HIVEP3: variants seen among roughly 807,000 people sequenced by gnomAD.
The protein encoded by HIVEP3 is HIVEP zinc finger 3, also known as transcription factor HIVEP3.
In HIVEP3, 49 loss-of-function variants were observed where a neutral mutation model predicts 152.8. The ratio of observed to expected loss-of-function variants is 0.32; its 90% CI spans 0.26 to 0.41. The LOEUF is 0.41. HIVEP3 is among the 10% of genes least tolerant of loss of function. The pLI, the probability that HIVEP3 is intolerant of heterozygous loss-of-function variation, is 1.00. For missense variants in HIVEP3, 2,790 were observed against 3,103.3 expected, an observed-to-expected ratio of 0.90 and a Z score of 2.40; for synonymous variants, 1,269 against 1,289.0, an observed-to-expected ratio of 0.98 and a Z score of 0.33.
At chr1:41,806,056 G>A (rs1650590098) in intron 1 of HIVEP3, among the ~76,000 whole-genome samples, 1 of 152,160 alleles carries the variant, frequency 6.6e-6, no homozygotes, top group Admixed American at 6.5e-5. Flanking sequence ...GGCACAGAAG[G>A]GATCTTCAAA....
chr1:42,033,556 C>G (rs1232276522), intron 1 of HIVEP3, among the ~76,000 whole-genome samples: 1 of 152,202 alleles, frequency 6.6e-6, no homozygotes, highest in Non-Finnish European at 1.5e-5. Context: ...ACTTATCTCT[C>G]CAGTTCCCTA....
intron 1 of HIVEP3, among the ~76,000 whole-genome samples, chr1:42,026,591 T>C (rs1037145010): frequency 6.6e-6 from 1 of 152,316 alleles, no homozygotes; most frequent in Admixed American, 6.5e-5. Flanking sequence ...GCTACAGTAT[T>C]TGCATGAGAT....
At chr1:41,670,347 T>C (rs1447860509) in intron 2 of HIVEP3, among the ~76,000 whole-genome samples, 4 of 152,146 alleles carry the variant, frequency 2.6e-5, no homozygotes, top group East Asian at 3.9e-4. Flanking sequence ...CTCCAGGGCA[T>C]TGGCTTTCTC....
At chr1:41,659,079 AC>A (rs1264051422) in intron 2 of HIVEP3, among the ~76,000 whole-genome samples, 1 of 152,124 alleles carries the variant, frequency 6.6e-6, no homozygotes, top group Non-Finnish European at 1.5e-5. Context: ...ACCAGCAGTT[AC>A]CCCCTCCAAA....
At chr1:42,028,152 G>A (rs1345316867) in intron 1 of HIVEP3, among the ~76,000 whole-genome samples, 1 of 151,784 alleles carries the variant, frequency 6.6e-6, no homozygotes, top group Admixed American at 6.6e-5. Flanking sequence ...TTTTCTTCTT[G>A]GTATTTATTA....
chr1:41,604,137 A>C (rs544853535), intron 3 of HIVEP3, among the ~76,000 whole-genome samples: 1 of 152,350 alleles, frequency 6.6e-6, no homozygotes, highest in South Asian at 2.1e-4. Flanking sequence ...CTAATGCCAC[A>C]CACCTACCCT....
chr1:41,946,045 C>T lies in HIVEP3; in HGVS notation n.120-27521G>A, dbSNP rs192390007. Among the ~76,000 whole-genome samples the T allele has an allele frequency of 3.3e-3, 508 of 152,256 alleles. 3 individuals are homozygous for T. The highest frequency in any genetic ancestry group is 0.012 in the African/African-American group (483 of 41,530). ...ACAAACGGGATTAAAAAAAGGCCAC[C>T]GCTTTAGTCATGGCCCTCAGGCAAG... is the stretch of plus-strand genomic sequence containing the variant. On this transcript the variant is annotated intron_variant and non_coding_transcript_variant, in intron 1 of 3. Transcript: ENST00000489103.
chr1:42,029,447 A>G (rs190579519), intron 1 of HIVEP3, among the ~76,000 whole-genome samples: 18 of 152,330 alleles, frequency 1.2e-4, no homozygotes, highest in Admixed American at 9.2e-4. Flanking sequence ...TGGGGATGCT[A>G]ATTCCTACCT....
intron 2 of HIVEP3, among the ~76,000 whole-genome samples, chr1:41,676,602 C>T (rs1475163307): frequency 1.3e-5 from 2 of 152,190 alleles, no homozygotes; most frequent in East Asian, 3.9e-4. Context: ...TGACTCAGCG[C>T]TTTCATCCAT....
intron 3 of HIVEP3, among the ~76,000 whole-genome samples, chr1:41,624,501 A>C (rs532451162): frequency 6.6e-6 from 1 of 152,262 alleles, no homozygotes; most frequent in African/African-American, 2.4e-5. Flanking sequence ...TCACCGTTGA[A>C]ATGTATCTTC....
intron 1 of HIVEP3, among the ~76,000 whole-genome samples, chr1:41,982,556 C>A (rs1286323744): frequency 6.6e-6 from 1 of 152,032 alleles, no homozygotes; most frequent in African/African-American, 2.4e-5. Flanking sequence ...CATCATGAAA[C>A]TGGGAAACTG....
intron 5 of HIVEP3, among the ~76,000 whole-genome samples, chr1:41,563,496 C>A (rs1644114251): frequency 6.6e-6 from 1 of 152,032 alleles, no homozygotes; most frequent in South Asian, 2.1e-4. Context: ...ACCCTTTAAC[C>A]AAGAGGGAGA....
chr1:41,908,302 C>T (rs566751925), intron 1 of HIVEP3, among the ~76,000 whole-genome samples: 1 of 152,232 alleles, frequency 6.6e-6, no homozygotes, highest in East Asian at 1.9e-4. Context: ...TAATTAACTC[C>T]CTAGTACCTG....
intron 1 of HIVEP3, among the ~76,000 whole-genome samples, chr1:41,727,954 G>C (rs1646781880): frequency 1.3e-5 from 2 of 152,214 alleles, no homozygotes. Flanking sequence ...TGCATGTTGG[G>C]GTAGGTGGGC....
intron 1 of HIVEP3, among the ~76,000 whole-genome samples, chr1:41,940,851 G>C (rs562156300): frequency 6.6e-6 from 1 of 151,918 alleles, no homozygotes; most frequent in East Asian, 1.9e-4. Context: ...ACAGAGGAGA[G>C]AGAGGGGGAG....
chr1:41,743,749 G>A (rs757495984), intron 1 of HIVEP3, among the ~76,000 whole-genome samples: 11 of 152,188 alleles, frequency 7.2e-5, no homozygotes, highest in Admixed American at 2.0e-4. Flanking sequence ...CTCTGGTCCT[G>A]GGTATAGGGG....
At chr1:41,678,795 C>T (rs527689030) in intron 2 of HIVEP3, among the ~76,000 whole-genome samples, 4 of 152,338 alleles carry the variant, frequency 2.6e-5, no homozygotes, top group East Asian at 3.9e-4. Flanking sequence ...GATGACAGCT[C>T]TCCAGCCAGG....
intron 1 of HIVEP3, among the ~76,000 whole-genome samples, chr1:41,944,055 G>A (rs1645061805): frequency 6.6e-6 from 1 of 152,194 alleles, no homozygotes; most frequent in Non-Finnish European, 1.5e-5. Flanking sequence ...CTTATATGAG[G>A]TACTTAGAGT....
intron 1 of HIVEP3, among the ~76,000 whole-genome samples, chr1:42,011,418 C>T (rs187289044): frequency 2.0e-4 from 31 of 152,236 alleles, no homozygotes; most frequent in African/African-American, 7.0e-4. Context: ...CTGTATTGAC[C>T]TCCTATTCCC....
Sources: allele counts gnomAD v4.1 joint callset (sites outside exome capture counted in the v4.1 genomes callset), GRCh38; gene constraint gnomAD v4.1.1; transcripts MANE v1.5; gene names NCBI Gene and HGNC (gene_info 2026-07-23, HGNC 2026-07-21).